The following ENOX1 variants were observed in gnomAD, a reference collection of about 807,000 sequenced individuals.
The protein encoded by ENOX1 is ecto-NOX disulfide-thiol exchanger 1.
In ENOX1, 42 loss-of-function variants were observed where a neutral mutation model predicts 82.5. That is an observed-to-expected ratio of 0.51 (90% CI 0.40 to 0.66). The LOEUF (loss-of-function observed/expected upper bound fraction) is 0.66. ENOX1 is among the 30% of genes least tolerant of loss of function. The pLI is 0.00. For synonymous variants in ENOX1, 271 were observed against 282.2 expected, an observed-to-expected ratio of 0.96 and a Z score of 0.40; for missense variants, 608 against 811.6, an observed-to-expected ratio of 0.75 and a Z score of 3.05.
In ENOX1 at chr13:43,213,191, A is replaced by T. The variant is rs1322481949; in HGVS notation, c.*799T>A. On this transcript the variant is annotated 3_prime_UTR_variant, in exon 17 of 17. Coordinates refer to ENST00000690772, the MANE Select transcript of ENOX1 (RefSeq NM_001347969.2). ...TCTTTGCTATAAAATTTGTAACAGG[A>T]ATATTTACTGAATGTTTATTTTGAT... Among the ~76,000 whole-genome samples the T allele has an allele frequency of 2.6e-5, 4 of 152,190 alleles. No individual in the cohort carries two copies. Among genetic ancestry groups the T allele is most frequent in the Non-Finnish European group, 5.9e-5 (4 of 68,012 alleles).
rs1457925366 is a variant in ENOX1, at chr13:43,412,007, G to A, written c.117C>T (p.Asn39=). 6.2e-7 allele frequency: 1 copy of A among 1,614,198 alleles called. No individual in the cohort carries two copies. Among genetic ancestry groups the A allele is most frequent in the Admixed American group, 1.7e-5 (1 of 60,026 alleles). ...GSIAIDTTQL[N]MSVTDPTAWA... ...AGGCTGTGGGATCTGTCACGGACAT[G>A]TTGAGCTGGGTCGTGTCTATCGCTA... The change falls in exon 5 of 17, where the codon AAC becomes AAT. Residue 39 remains asparagine, a synonymous_variant. Transcript: ENST00000690772.
intron 5 of ENOX1, among the ~76,000 whole-genome samples, chr13:43,408,114 G>A (rs2053908286): frequency 6.6e-6 from 1 of 152,184 alleles, no homozygotes; most frequent in African/African-American, 2.4e-5. Context: ...CAGAATCACG[G>A]TGAGAGGAAC....
In ENOX1 at chr13:43,722,727, T is replaced by A. The variant is rs576891446; in HGVS notation, c.-284-55183A>T. ...ATCACTGTTATTATTACTCTAAAGG[T>A]AAAAAAAAAATAGGTTAAGTAATTT... On this transcript the variant is annotated intron_variant, in intron 1 of 16. Transcript: ENST00000690772. 1.8e-3 allele frequency among the ~76,000 whole-genome samples: 273 copies of A among 147,948 alleles called. 1 individual carries two copies. Among genetic ancestry groups the A allele is most frequent in the Non-Finnish European group, 3.2e-3 (212 of 66,672 alleles).
intron 13 of ENOX1, among the ~76,000 whole-genome samples, chr13:43,267,647 TGA>T (rs1214696594): frequency 6.6e-6 from 1 of 152,060 alleles, no homozygotes; most frequent in African/African-American, 2.4e-5. Flanking sequence ...TCAGTGGAGG[TGA>T]GAGGTGTCAT....
At chr13:43,661,550 A>G (rs2153785822) in intron 2 of ENOX1, among the ~76,000 whole-genome samples, 1 of 152,336 alleles carries the variant, frequency 6.6e-6, no homozygotes, top group Admixed American at 6.5e-5. Flanking sequence ...ATGATATTTC[A>G]AAAAATGTAA....
chr13:43,500,088 G>T (rs2076928816), intron 2 of ENOX1, among the ~76,000 whole-genome samples: 1 of 152,068 alleles, frequency 6.6e-6, no homozygotes, highest in African/African-American at 2.4e-5. Flanking sequence ...TAATCAGCAA[G>T]TAAGCTAATA....
At chr13:43,544,268 G>A (rs999990038) in intron 2 of ENOX1, 3 of 152,172 alleles carry the variant, frequency 2.0e-5, no homozygotes, top group African/African-American at 4.8e-5. Context: ...CATTCTCTCT[G>A]AGTGCCAGTT....
At chr13:43,770,482 A>G (rs1198057927) in intron 1 of ENOX1, among the ~76,000 whole-genome samples, 1 of 152,174 alleles carries the variant, frequency 6.6e-6, no homozygotes, top group East Asian at 1.9e-4. Flanking sequence ...AGTATGTTCT[A>G]TTTATGCTAG....
intron 1 of ENOX1, among the ~76,000 whole-genome samples, chr13:43,778,805 C>A (rs1952073711): frequency 3.3e-5 from 5 of 152,292 alleles, no homozygotes; most frequent in African/African-American, 1.2e-4. Flanking sequence ...GATTCCCAGC[C>A]CTTTCAGGGG....
chr13:43,778,341 A>G (rs1952046034), intron 1 of ENOX1, among the ~76,000 whole-genome samples: 1 of 152,076 alleles, frequency 6.6e-6, no homozygotes, highest in Non-Finnish European at 1.5e-5. Flanking sequence ...CCCCTTTGGG[A>G]GCTAGTGGCC....
At position 43,355,904 on chromosome 13, in the gene ENOX1, G is replaced by A. The variant is rs371019912; in HGVS notation, c.823+15C>T. 1.2e-4 allele frequency: 186 copies of A among 1,601,212 alleles called. No homozygotes were observed. Among genetic ancestry groups the A allele is most frequent in the Middle Eastern group, 1.7e-4 (1 of 5,972 alleles). ...TCCCTGTGGAGGAAGAAAAGCCAGC[G>A]TGGGTGGCCCATACCTTTCAGCTTT... On this transcript the variant is annotated intron_variant, in intron 8 of 16. Coordinates refer to ENST00000690772, the MANE Select transcript of ENOX1 (RefSeq NM_001347969.2).
At chr13:43,271,237 G>A (rs2044661249) in intron 12 of ENOX1, among the ~76,000 whole-genome samples, 1 of 152,212 alleles carries the variant, frequency 6.6e-6, no homozygotes, top group Non-Finnish European at 1.5e-5. Context: ...ATGTCCAGAA[G>A]AAGGGAGGTG....
chr13:43,575,014 A>G (rs997099649), intron 2 of ENOX1, among the ~76,000 whole-genome samples: 1 of 152,252 alleles, frequency 6.6e-6, no homozygotes, highest in Non-Finnish European at 1.5e-5. Context: ...CATTCTGCTT[A>G]GGAGCTTATT....
At chr13:43,297,041 C>T (rs1190726216) in intron 12 of ENOX1, among the ~76,000 whole-genome samples, 1 of 152,234 alleles carries the variant, frequency 6.6e-6, no homozygotes, top group Non-Finnish European at 1.5e-5. Context: ...TGACATTTTC[C>T]TGGCTGGCTC....
intron 16 of ENOX1, among the ~76,000 whole-genome samples, chr13:43,219,907 T>C (rs1437344729): frequency 2.0e-5 from 3 of 152,220 alleles, no homozygotes; most frequent in Admixed American, 6.5e-5. Context: ...GGGAAGCCAG[T>C]TGAAAACCAG....
At chr13:43,537,897 C>G (rs146538329) in intron 2 of ENOX1, among the ~76,000 whole-genome samples, 1 of 152,190 alleles carries the variant, frequency 6.6e-6, no homozygotes, top group Non-Finnish European at 1.5e-5. Flanking sequence ...AGCCTTCTAC[C>G]CGGGAGGAAC....
intron 2 of ENOX1, among the ~76,000 whole-genome samples, chr13:43,497,603 T>C (rs1466051654): frequency 6.6e-6 from 1 of 152,164 alleles, no homozygotes; most frequent in Non-Finnish European, 1.5e-5. Flanking sequence ...TGTTAATACA[T>C]AATAACACAT....
At chr13:43,281,227 G>C (rs59557948) in intron 12 of ENOX1, among the ~76,000 whole-genome samples, 9,315 of 152,114 alleles carry the variant, frequency 0.061, 392 homozygotes, top group East Asian at 0.13. Flanking sequence ...AGCAGCAGCA[G>C]AAAACCTCAA....
intron 3 of ENOX1, among the ~76,000 whole-genome samples, chr13:43,417,360 A>T (rs2153604142): frequency 6.6e-6 from 1 of 152,296 alleles, no homozygotes; most frequent in South Asian, 2.1e-4. Flanking sequence ...ACATCTTAGG[A>T]ATTTCCAATA....
Sources: allele counts gnomAD v4.1 joint callset (sites outside exome capture counted in the v4.1 genomes callset), GRCh38; gene constraint gnomAD v4.1.1; transcripts MANE v1.5; gene names NCBI Gene and HGNC (gene_info 2026-07-23, HGNC 2026-07-21).